PPP2R2B: variants seen among roughly 807,000 people sequenced by gnomAD.
The protein encoded by PPP2R2B is serine/threonine-protein phosphatase 2A 55 kDa regulatory subunit B beta isoform.
PPP2R2B carries 5 observed loss-of-function variants against 46.0 expected under a neutral mutation model. That is an observed-to-expected ratio of 0.11 (90% CI 0.06 to 0.23). PPP2R2B has a LOEUF of 0.23. Ranked by LOEUF, PPP2R2B falls within the 10% of genes least tolerant of loss-of-function variation. PPP2R2B has a pLI of 1.00. For synonymous variants in PPP2R2B, 215 were observed against 206.7 expected (o/e 1.04, Z -0.34); for missense variants, 367 against 575.0 (o/e 0.64, Z 3.70).
At chr5:146,715,888 T>C (rs909916625) in intron 2 of PPP2R2B, among the ~76,000 whole-genome samples, 5 of 152,166 alleles carry the variant, frequency 3.3e-5, no homozygotes, top group Non-Finnish European at 7.4e-5. Context: ...CACAGCAGAG[T>C]GTATCTTCTG....
intron 2 of PPP2R2B, among the ~76,000 whole-genome samples, chr5:146,831,741 G>A (rs1758955301): frequency 6.6e-6 from 1 of 152,236 alleles, no homozygotes; most frequent in Non-Finnish European, 1.5e-5. Context: ...AGTGAGCCGA[G>A]ATTGTGCCAG....
intron 3 of PPP2R2B, among the ~76,000 whole-genome samples, chr5:146,699,122 T>A (rs891043671): frequency 6.6e-6 from 1 of 152,218 alleles, no homozygotes; most frequent in African/African-American, 2.4e-5. Context: ...AAACATTTGT[T>A]ATAAAAGCTT....
intron 2 of PPP2R2B, among the ~76,000 whole-genome samples, chr5:146,797,410 A>C (rs1389186156): frequency 6.6e-6 from 1 of 152,214 alleles, no homozygotes; most frequent in African/African-American, 2.4e-5. Flanking sequence ...CAGTGAGTCC[A>C]TGTATCCTGA....
At position 147,003,931 on chromosome 5, in the gene PPP2R2B, C is replaced by T. The variant is rs538843414; in HGVS notation, c.79+51734G>A. On this transcript the variant is annotated intron_variant, in intron 1 of 8. Coordinates refer to the PPP2R2B transcript ENST00000336640. ...GATTCTAAAAGATAAATTTATTACC[C>T]AATCAACAGATATCAGGAGAAAGCT... 4.6e-5 allele frequency among the ~76,000 whole-genome samples: 7 copies of T among 152,216 alleles called. No homozygotes were observed. In the East Asian group the frequency reaches 1.4e-3, roughly 30 times the overall value.
At chr5:146,972,713 A>G (rs1561549183) in intron 1 of PPP2R2B, among the ~76,000 whole-genome samples, 1 of 152,178 alleles carries the variant, frequency 6.6e-6, no homozygotes, top group Admixed American at 6.5e-5. Flanking sequence ...CTCCATCTCA[A>G]AAAAACAAAA....
chr5:146,687,209 G>A (rs1368711026), intron 5 of PPP2R2B, among the ~76,000 whole-genome samples: 1 of 152,154 alleles, frequency 6.6e-6, no homozygotes, highest in Non-Finnish European at 1.5e-5. Context: ...ATATGTCTAA[G>A]TTTAAGAGCC....
rs575451597 is a variant in PPP2R2B, at chr5:146,684,845, C to A, written c.447+6283G>T. Among the ~76,000 whole-genome samples the A allele has an allele frequency of 7.7e-4, 117 of 152,170 alleles. 1 individual carries two copies. Among genetic ancestry groups the A allele is most frequent in the Non-Finnish European group, 6.9e-4 (47 of 68,026 alleles). On this transcript the variant is annotated intron_variant, in intron 5 of 9. Coordinates refer to ENST00000394411, the MANE Select transcript of PPP2R2B (RefSeq NM_181675.4). The stretch of plus-strand genomic sequence containing the variant: ...CTGGGAGGGGCCTTGTCAAAGATGT[C>A]ATTTCTTAGAGTCCAACTCAAACCT...
chr5:146,869,159 A>G (rs1306350895), intron 2 of PPP2R2B, among the ~76,000 whole-genome samples: 1 of 152,210 alleles, frequency 6.6e-6, no homozygotes, highest in Non-Finnish European at 1.5e-5. Context: ...CTCATTCTCT[A>G]CATTAGGAAA....
At chr5:146,659,396 G>A (rs183920823) in intron 5 of PPP2R2B, among the ~76,000 whole-genome samples, 118 of 152,270 alleles carry the variant, frequency 7.7e-4, no homozygotes, top group African/African-American at 2.8e-3. Context: ...TGGTATAAGA[G>A]GGTTTTTAGA....
intron 2 of PPP2R2B, among the ~76,000 whole-genome samples, chr5:146,776,173 C>T (rs1755169627): frequency 6.6e-6 from 1 of 151,918 alleles, no homozygotes; most frequent in African/African-American, 2.4e-5. Context: ...TTTCAGAGGA[C>T]CAAGAATACA....
chr5:147,011,307 C>A (rs993503410), intron 1 of PPP2R2B, among the ~76,000 whole-genome samples: 3 of 151,936 alleles, frequency 2.0e-5, no homozygotes, highest in Non-Finnish European at 4.4e-5. Context: ...ATGCCCCCCC[C>A]ATCCCTACAT....
intron 1 of PPP2R2B, among the ~76,000 whole-genome samples, chr5:146,929,353 T>C (rs556336073): frequency 5.9e-5 from 9 of 152,308 alleles, no homozygotes; most frequent in African/African-American, 1.2e-4. Flanking sequence ...TGGCATGTAA[T>C]AGACATTCAA....
intron 2 of PPP2R2B, among the ~76,000 whole-genome samples, chr5:146,793,456 A>C (rs116147993): frequency 3.3e-4 from 51 of 152,342 alleles, no homozygotes; most frequent in African/African-American, 1.2e-3. Flanking sequence ...AGAATTGTAC[A>C]TAACAGTGGA....
upstream of PPP2R2B, among the ~76,000 whole-genome samples, chr5:146,881,563 C>A (rs1362374021): frequency 1.3e-5 from 2 of 152,012 alleles, no homozygotes; most frequent in Admixed American, 1.3e-4. Context: ...AGACATGGAC[C>A]ACCACACCCA....
At chr5:146,873,913 C>A (rs528228490) in intron 2 of PPP2R2B, among the ~76,000 whole-genome samples, 2 of 152,278 alleles carry the variant, frequency 1.3e-5, no homozygotes, top group South Asian at 4.1e-4. Flanking sequence ...CACTCTTCTC[C>A]CTGTTCCTAG....
intron 1 of PPP2R2B, among the ~76,000 whole-genome samples, chr5:146,903,563 C>G (rs1443354964): frequency 6.6e-6 from 1 of 151,802 alleles, no homozygotes; most frequent in African/African-American, 2.4e-5. Flanking sequence ...ACCTGTCTAA[C>G]TTTTAAATAT....
At chr5:146,940,429 G>A (rs1764283748) in intron 1 of PPP2R2B, among the ~76,000 whole-genome samples, 1 of 151,842 alleles carries the variant, frequency 6.6e-6, no homozygotes, top group South Asian at 2.1e-4. Context: ...TGGATTGTGA[G>A]CCATAAGAAT....
intron 2 of PPP2R2B, among the ~76,000 whole-genome samples, chr5:146,798,338 CT>C (rs1286121941): frequency 6.6e-6 from 1 of 152,166 alleles, no homozygotes; most frequent in East Asian, 1.9e-4. Context: ...TAACCTTCCC[CT>C]GATGAAGGCT....
At chr5:146,955,774 C>CTTTT (rs5872000) in intron 1 of PPP2R2B, among the ~76,000 whole-genome samples, 4 of 115,658 alleles carry the variant, frequency 3.5e-5, no homozygotes, top group Non-Finnish European at 5.2e-5. Flanking sequence ...CTTTCTATTA[C>CTTTT]TTTTTTTTTT....
Sources: gnomAD v4.1 joint callset for allele counts (sites outside exome capture counted in the v4.1 genomes callset) on GRCh38, gnomAD v4.1.1 for gene constraint, MANE v1.5 for transcripts, NCBI Gene and HGNC (gene_info 2026-07-23, HGNC 2026-07-21) for gene names.